The following HCFC2 variants were observed in gnomAD, a reference collection of about 807,000 sequenced individuals.
HCFC2 encodes the protein host cell factor C2, also known as host cell factor 2.
In HCFC2, 18 loss-of-function variants were observed where a neutral mutation model predicts 89.2. That is an observed-to-expected ratio of 0.20 (90% confidence interval 0.14 to 0.30). The LOEUF is 0.30. HCFC2 is among the 10% of genes least tolerant of loss of function. The pLI, the probability that HCFC2 is intolerant of heterozygous loss-of-function variation, is 1.00. For synonymous variants in HCFC2, 308 were observed against 335.7 expected (o/e 0.92, Z 0.90); for missense variants, 578 against 956.1 (o/e 0.60, Z 5.21).
intron 3 of HCFC2, among the ~76,000 whole-genome samples, chr12:104,070,228 C>T (rs540841094): frequency 3.9e-5 from 6 of 152,148 alleles, no homozygotes; most frequent in African/African-American, 1.2e-4. Flanking sequence ...TGGGGTTTCA[C>T]CGCGTTAGCC....
intron 7 of HCFC2, among the ~76,000 whole-genome samples, chr12:104,084,549 G>A (rs1419982191): frequency 1.3e-5 from 2 of 152,192 alleles, no homozygotes; most frequent in East Asian, 3.8e-4. Flanking sequence ...TTAGAGAGAT[G>A]ACCACAGGAT....
At chr12:104,101,313 G>A (rs1281185631) in intron 13 of HCFC2, among the ~76,000 whole-genome samples, 9 of 152,046 alleles carry the variant, frequency 5.9e-5, no homozygotes, top group Admixed American at 5.2e-4. Context: ...GCGAAACCCC[G>A]TCTCTACTGA....
rs2030055486 is a variant in HCFC2 at position 104,105,289 on chromosome 12, T to C, written c.*2016T>C. 6.6e-6 allele frequency: 1 copy of C among 152,112 alleles called. No individual in the cohort carries two copies. Among genetic ancestry groups the C allele is most frequent in the East Asian group, 1.9e-4 (1 of 5,206 alleles). 9.4% of individuals were successfully genotyped at this position (152,112 alleles called of 1,614,324 possible). On this transcript the variant is annotated 3_prime_UTR_variant, in exon 15 of 15. Coordinates refer to ENST00000229330, the MANE Select transcript of HCFC2 (RefSeq NM_013320.3). ...GCTTTAATAGAAAAAGTTTGGCTTT[T>C]AACCCTTTCTTCTCTGCATTAATTA...
chr12:104,095,457 A>G lies in HCFC2; in HGVS notation c.1560A>G (p.Thr520=), dbSNP rs1884148276. 23 of 1,613,852 alleles carry G rather than the reference A, an allele frequency of 1.4e-5. No individual in the cohort carries two copies. Among genetic ancestry groups the G allele is most frequent in the Non-Finnish European group, 1.9e-5 (22 of 1,179,814 alleles). ...ETSVSSTVSS[T]QTMVTQQTIK... ...CTGTATCCAGTACTGTTTCCAGCAC[A>G]CAAACTATGGTAACCCAGCAGACCA... The change falls in exon 11 of 15, where the codon ACA becomes ACG. Residue 520 remains threonine (T), a synonymous_variant. Transcript: ENST00000229330. The surrounding 1 kb of genome is among the most constrained non-coding windows in gnomAD (Gnocchi z 4.2).
chr12:104,081,755 T>C lies in HCFC2; in HGVS notation c.768-745T>C, dbSNP rs1380649013. Among the ~76,000 whole-genome samples the C allele has an allele frequency of 1.1e-4, 16 of 151,952 alleles. 1 individual carries two copies. The highest frequency in any genetic ancestry group is 1.0e-3 in the Admixed American group (16 of 15,246). On this transcript the variant is annotated intron_variant, in intron 5 of 14. Transcript: ENST00000229330. ...TAAAATGGATTTTAAAAAATAGAGC[T>C]GTAGCCAGGCGTGGTGGCTCATGCC...
chr12:104,086,554 T>A (rs1347122633), intron 7 of HCFC2, among the ~76,000 whole-genome samples: 1 of 151,926 alleles, frequency 6.6e-6, no homozygotes, highest in African/African-American at 2.4e-5. Context: ...TTTCCAAATC[T>A]GAAGACTCAT....
In HCFC2 at chr12:104,095,238, T is replaced by G; in HGVS notation, c.1463-122T>G. 1.4e-6 allele frequency: 1 copy of G among 704,426 alleles called. No individual in the cohort carries two copies. Among genetic ancestry groups the G allele is most frequent in the Middle Eastern group, 3.4e-4 (1 of 2,946 alleles). The allele number at this position is 704,426 out of a possible 1,614,324, so 43.6% of individuals were successfully genotyped here. On this transcript the variant is annotated intron_variant, in intron 10 of 14. Coordinates refer to ENST00000229330, the MANE Select transcript of HCFC2 (RefSeq NM_013320.3). This position sits in a 1 kb window ranked among gnomAD's most constrained non-coding sequence, Gnocchi z 4.2. ...TAATGGATAATTCATACTAATACCA[T>G]TTGTGGTGCTCATGTATGATTTTAA...
intron 9 of HCFC2, 115 bp downstream of exon 9, chr12:104,088,153 T>A (rs1379809892): frequency 2.0e-6 from 1 of 496,622 alleles, no homozygotes; most frequent in Non-Finnish European, 3.5e-6. Context: ...CTGCCTGCAC[T>A]TGAGAGTTAT....
chr12:104,070,564 T>C (rs1327346244), intron 3 of HCFC2, among the ~76,000 whole-genome samples: 1 of 152,154 alleles, frequency 6.6e-6, no homozygotes, highest in Non-Finnish European at 1.5e-5. Context: ...GTCATTGTGA[T>C]AGTGAAATAA....
At chr12:104,069,564 A>G (rs1339111066) in intron 3 of HCFC2, among the ~76,000 whole-genome samples, 3 of 150,224 alleles carry the variant, frequency 2.0e-5, no homozygotes, top group East Asian at 1.9e-4. Context: ...AGATCATGCA[A>G]TATTGTTCTT....
chr12:104,080,629 T>C (rs780035855), intron 4 of HCFC2, 117 bp from the exon 5 acceptor site: 7 of 580,788 alleles, frequency 1.2e-5, no homozygotes, highest in Non-Finnish European at 2.1e-5. Context: ...CAAATAACTG[T>C]TCTAAAATAC....
intron 12 of HCFC2, chr12:104,098,056 G>A: frequency 3.8e-6 from 1 of 263,704 alleles, no homozygotes; most frequent in Non-Finnish European, 7.0e-6. Flanking sequence ...CTATAAAATA[G>A]CTGGCATTTT....
Position 104,095,623 on chromosome 12 carries a change from C to A in HCFC2, c.1666+60C>A. ...CATTTATGTATATAAATTCATCAAA[C>A]TTACTTGTCTTAGATGGGAGTTGCA... is the stretch of plus-strand genomic sequence containing the variant. On this transcript the variant is annotated intron_variant, in intron 11 of 14. Coordinates refer to ENST00000229330, the MANE Select transcript of HCFC2 (RefSeq NM_013320.3). This position sits in a 1 kb window ranked among gnomAD's most constrained non-coding sequence, Gnocchi z 4.2. 7.5e-7 allele frequency: 1 copy of A among 1,334,796 alleles called. No individual in the cohort carries two copies. Among genetic ancestry groups the A allele is most frequent in the Non-Finnish European group, 1.0e-6 (1 of 952,910 alleles). The allele number at this position is 1,334,796 out of a possible 1,614,324, so 82.7% of individuals were successfully genotyped here. A position where few individuals can be genotyped will look rare whatever the true frequency, so the allele number is the denominator to read the frequency against.
intron 8 of HCFC2, among the ~76,000 whole-genome samples, chr12:104,087,616 C>G (rs1883907920): frequency 6.6e-6 from 1 of 151,630 alleles, no homozygotes; most frequent in African/African-American, 2.4e-5. Flanking sequence ...GGATGTCTTA[C>G]CATTATGATG....
At chr12:104,094,015 GAAAT>G (rs1566234972) in intron 10 of HCFC2, among the ~76,000 whole-genome samples, 1 of 152,094 alleles carries the variant, frequency 6.6e-6, no homozygotes, top group African/African-American at 2.4e-5. Flanking sequence ...TTGTATATGA[GAAAT>G]AAAAATGAGT....
chr12:104,089,384 C>T (rs771258285), intron 9 of HCFC2, among the ~76,000 whole-genome samples: 14 of 152,010 alleles, frequency 9.2e-5, no homozygotes, highest in East Asian at 1.9e-4. Context: ...GGCATGGTGG[C>T]GGGTGCCTGT....
intron 9 of HCFC2, 26 bp from the exon 10 acceptor site, chr12:104,093,360 A>T: frequency 6.5e-7 from 1 of 1,540,134 alleles, no homozygotes; most frequent in Non-Finnish European, 8.9e-7. Context: ...ATTGCTTACT[A>T]CAGTAATCTG....
intron 12 of HCFC2, 110 bp downstream of exon 12, chr12:104,096,543 A>G: frequency 4.5e-6 from 3 of 662,208 alleles, no homozygotes; most frequent in Non-Finnish European, 7.9e-6. Flanking sequence ...TCAGTAATGA[A>G]CTGACATAAA....
intron 6 of HCFC2, 50 bp downstream of exon 6, chr12:104,082,656 A>G: frequency 1.9e-6 from 3 of 1,574,988 alleles, no homozygotes; most frequent in Non-Finnish European, 2.6e-6. Context: ...TAATAAGATA[A>G]TTTTTGTAAT....
Sources: allele counts gnomAD v4.1 joint callset (sites outside exome capture counted in the v4.1 genomes callset), GRCh38; gene constraint gnomAD v4.1.1; non-coding constraint Gnocchi (gnomAD v3.1); transcripts MANE v1.5; gene names NCBI Gene and HGNC (gene_info 2026-07-23, HGNC 2026-07-21).